The following PCDH11X variants were observed in gnomAD, a reference collection of about 807,000 sequenced individuals.
PCDH11X encodes protocadherin 11 X-linked.
Under a neutral mutation model 53.3 loss-of-function variants are expected in PCDH11X, and 18 were observed. The ratio of observed to expected loss-of-function variants is 0.34; its 90% CI spans 0.23 to 0.50. The LOEUF (loss-of-function observed/expected upper bound fraction) is 0.50, where lower values mean the gene tolerates loss of function less well. Ranked by LOEUF, PCDH11X falls within the 20% of genes least tolerant of loss-of-function variation. The pLI is 0.98. For missense variants in PCDH11X, 570 were observed against 1,032.4 expected (o/e 0.55, Z 6.14); for synonymous variants, 279 against 393.3 (o/e 0.71, Z 3.44).
chrX:92,065,488 A>T (rs1462436197), intron 6 of PCDH11X, among the ~76,000 whole-genome samples: 2 of 111,547 alleles, frequency 1.8e-5, no homozygotes, highest in Non-Finnish European at 3.8e-5. Context: ...CCAACAATGT[A>T]CAAAGGTTTT....
chrX:92,165,873 A>G (rs1453377412), intron 6 of PCDH11X, among the ~76,000 whole-genome samples: 4 of 111,432 alleles, frequency 3.6e-5, no homozygotes. Flanking sequence ...TGAAAGCATT[A>G]TGGGACTATT....
chrX:91,997,296 T>G (rs1015325887), intron 6 of PCDH11X, among the ~76,000 whole-genome samples: 2 of 110,761 alleles, frequency 1.8e-5, no homozygotes, highest in Non-Finnish European at 3.8e-5. Context: ...TTATTCCTTA[T>G]CTTAGAGGAA....
intron 6 of PCDH11X, among the ~76,000 whole-genome samples, chrX:92,078,163 C>CT (rs34813660): frequency 1.2e-3 from 124 of 99,743 alleles, no homozygotes; most frequent in African/African-American, 3.6e-3. Context: ...AACTTCAGGG[C>CT]TTTTTTTTTT....
chrX:92,320,630 T>G (rs2148492437), intron 8 of PCDH11X, among the ~76,000 whole-genome samples: 1 of 111,149 alleles, frequency 9.0e-6, no homozygotes, highest in Non-Finnish European at 1.9e-5. Context: ...AGGACAAATT[T>G]TCCTTACAAT....
intron 6 of PCDH11X, among the ~76,000 whole-genome samples, chrX:92,082,767 A>G (rs1001226285): frequency 2.7e-5 from 3 of 112,076 alleles, no homozygotes; most frequent in Non-Finnish European, 3.8e-5. Context: ...GATGGCATGT[A>G]CTATCAATTT....
chrX:92,180,747 C>G (rs953329476), intron 6 of PCDH11X, among the ~76,000 whole-genome samples: 3 of 111,840 alleles, frequency 2.7e-5, no homozygotes, highest in Admixed American at 9.5e-5. Context: ...TTCCCCTGCA[C>G]AAGCTCTCGC....
intron 9 of PCDH11X, among the ~76,000 whole-genome samples, chrX:92,437,798 G>A (rs1484556818): frequency 1.8e-5 from 2 of 110,017 alleles, no homozygotes; most frequent in African/African-American, 3.3e-5. Context: ...TAGTCTGAAT[G>A]AACCCAAGGG....
intron 7 of PCDH11X, among the ~76,000 whole-genome samples, chrX:92,243,634 A>G (rs1032260721): frequency 3.6e-5 from 4 of 111,383 alleles, no homozygotes; most frequent in Non-Finnish European, 7.5e-5. Flanking sequence ...TACCTCCAAA[A>G]TAACTAAAGA....
chrX:92,612,374 T>C (rs1429577027), intron 10 of PCDH11X, among the ~76,000 whole-genome samples: 1 of 109,286 alleles, frequency 9.2e-6, no homozygotes, highest in Non-Finnish European at 1.9e-5. Flanking sequence ...CTAAATTTTC[T>C]ATTTTGTGTG....
At chrX:92,020,181 C>T (rs1223187391) in intron 6 of PCDH11X, among the ~76,000 whole-genome samples, 5 of 112,553 alleles carry the variant, frequency 4.4e-5, no homozygotes, top group African/African-American at 6.4e-5. Context: ...CCAGTCTTCC[C>T]GTGGGAGCGC....
intron 8 of PCDH11X, among the ~76,000 whole-genome samples, chrX:92,326,625 T>TATATATATATATATATATA (rs1198560382): frequency 2.0e-5 from 1 of 50,896 alleles, no homozygotes; most frequent in African/African-American, 1.2e-4. Context: ...TAATAAACTA[T>TATATATATATATATATATA]ATATATATAT....
At chrX:92,167,407 A>C (rs1021687690) in intron 6 of PCDH11X, among the ~76,000 whole-genome samples, 2 of 111,548 alleles carry the variant, frequency 1.8e-5, no homozygotes, top group African/African-American at 6.5e-5. Flanking sequence ...TATTTTAGTA[A>C]TTTTTTGTGT....
At chrX:91,967,432 T>C (rs918997045) in intron 6 of PCDH11X, among the ~76,000 whole-genome samples, 1 of 111,049 alleles carries the variant, frequency 9.0e-6, no homozygotes, top group Non-Finnish European at 1.9e-5. Flanking sequence ...TATTGTGAAC[T>C]GCTCAAAGGA....
intron 6 of PCDH11X, among the ~76,000 whole-genome samples, chrX:91,887,688 G>T (rs1351198382): frequency 1.8e-5 from 2 of 111,461 alleles, no homozygotes; most frequent in South Asian, 3.7e-4. Context: ...ATAACTTTTT[G>T]AAGTGGTGCA....
chrX:92,369,909 C>T (rs999884235), intron 8 of PCDH11X, among the ~76,000 whole-genome samples: 6 of 107,620 alleles, frequency 5.6e-5, no homozygotes, highest in Admixed American at 5.0e-4. Context: ...GTGTTGGTCT[C>T]GCTGGGAGCT....
chrX:91,833,364 A>G lies in PCDH11X; in HGVS notation c.-44-2097A>G, dbSNP rs1422639318. Among the ~76,000 whole-genome samples, 6 of 109,935 alleles carry G rather than the reference A, an allele frequency of 5.5e-5. No homozygotes were observed. The Admixed American group carries it at 5.9e-4, about 11-fold the overall frequency. ...GGGGTATTTTTAATCTCACCTTCAT[A>G]ACAGAGTATAAAACCAAAAATTCAC... On this transcript the variant is annotated intron_variant, in intron 4 of 10. Coordinates refer to ENST00000682573, the MANE Select transcript of PCDH11X (RefSeq NM_032968.5).
At chrX:92,275,929 A>T (rs897299506) in intron 8 of PCDH11X, among the ~76,000 whole-genome samples, 47 of 110,262 alleles carry the variant, frequency 4.3e-4, no homozygotes, top group Non-Finnish European at 7.0e-4. Context: ...GGGGGAATAC[A>T]AGAGGAGGAT....
intron 1 of PCDH11X, among the ~76,000 whole-genome samples, chrX:91,804,587 G>C (rs1936035946): frequency 9.2e-6 from 1 of 108,330 alleles, no homozygotes; most frequent in Admixed American, 1.0e-4. Flanking sequence ...TGACAAAAGT[G>C]GTATTGTATT....
chrX:91,829,963 C>G (rs1389587048), intron 4 of PCDH11X, among the ~76,000 whole-genome samples: 1 of 110,731 alleles, frequency 9.0e-6, no homozygotes, highest in Non-Finnish European at 1.9e-5. Flanking sequence ...GATACTGAAA[C>G]AAGCAATATT....
Sources: allele counts gnomAD v4.1 joint callset (sites outside exome capture counted in the v4.1 genomes callset), GRCh38; gene constraint gnomAD v4.1.1; transcripts MANE v1.5; gene names NCBI Gene and HGNC (gene_info 2026-07-23, HGNC 2026-07-21).